CWC22: variants seen among roughly 807,000 people sequenced by gnomAD.
The protein encoded by CWC22 is pre-mRNA-splicing factor CWC22 homolog.
Under a neutral mutation model 117.2 loss-of-function variants are expected in CWC22, and 53 were observed. That is an observed-to-expected ratio of 0.45 (90% confidence interval 0.36 to 0.57). CWC22 has a LOEUF of 0.57. Among genes scored for constraint, CWC22 ranks in the 20% least tolerant of loss-of-function variants. CWC22 has a pLI of 0.00. For missense variants in CWC22, 980 were observed against 1,068.8 expected, an observed-to-expected ratio of 0.92 and a Z score of 1.16; for synonymous variants, 360 against 355.6, an observed-to-expected ratio of 1.01 and a Z score of -0.14.
chr2:179,960,076 G>C (rs896903637), intron 13 of CWC22, among the ~76,000 whole-genome samples: 1 of 152,044 alleles, frequency 6.6e-6, no homozygotes, highest in Non-Finnish European at 1.5e-5. Flanking sequence ...TCTGCAATCA[G>C]ATAATGCTTA....
chr2:179,982,934 A>C (rs867330845), intron 4 of CWC22, among the ~76,000 whole-genome samples: 1 of 152,134 alleles, frequency 6.6e-6, no homozygotes, highest in Non-Finnish European at 1.5e-5. Flanking sequence ...AATAAAAGTA[A>C]ATTTCATATT....
Position 179,955,041 on chromosome 2 carries a change from G to C in CWC22, c.1459-7C>G, listed in dbSNP as rs1196432941. The C allele has an allele frequency of 6.4e-7, 1 of 1,574,500 alleles. No homozygotes were observed. The highest frequency in any genetic ancestry group is 2.3e-5 in the East Asian group (1 of 44,038). ...TCATGTTGCAGAGTTCTTTCTATTT[G>C]GGAAAAAAAATACATTAATGATTCA... On this transcript the variant is annotated splice_region_variant and splice_polypyrimidine_tract_variant and intron_variant, in intron 14 of 19. Coordinates refer to ENST00000410053, the MANE Select transcript of CWC22 (RefSeq NM_020943.3).
rs1305520943 is a variant in CWC22, at chr2:179,950,520, G to C, written c.2132C>G (p.Ser711Cys). ...SDSSSISSHS[S>C]ASANDVRKKG... ...CACATAAGCTTCAATACCTGAGGCA[G>C]AGCTATGACTACTGATGGATGAAGA... The change falls in exon 19 of 20, where the codon TCT (serine) becomes TGT (cysteine). Residue 711 changes from serine (S) to cysteine (C), a missense_variant. This residue lies in a region of CWC22 where 306 missense variants were observed against 296.8 expected (regional missense o/e 1.03). Transcript: ENST00000410053. 1 of 1,604,144 alleles carries C rather than the reference G, an allele frequency of 6.2e-7. No individual in the cohort carries two copies. Among genetic ancestry groups the C allele is most frequent in the Non-Finnish European group, 8.5e-7 (1 of 1,172,592 alleles).
chr2:179,958,482 T>C (rs887625296), intron 14 of CWC22, among the ~76,000 whole-genome samples: 4 of 152,074 alleles, frequency 2.6e-5, no homozygotes, highest in Non-Finnish European at 5.9e-5. Flanking sequence ...ACAGGCTGCA[T>C]GCAGTCCAGG....
At position 179,952,595 on chromosome 2, in the gene CWC22, G is replaced by A; in HGVS notation, c.1693C>T (p.Leu565Phe). 2 of 1,413,916 alleles carry A rather than the reference G, an allele frequency of 1.4e-6. No individual in the cohort carries two copies. Among genetic ancestry groups the A allele is most frequent in the South Asian group, 3.0e-5 (2 of 67,644 alleles). The allele number at this position is 1,413,916 out of a possible 1,614,324, so 87.6% of individuals were successfully genotyped here. A position where few individuals can be genotyped will look rare whatever the true frequency, so the allele number is the denominator to read the frequency against. ...LYTDSLPWSV[L>F]ECIKLSEETT... ...TCTTCACTCAGTTTTATACATTCAAGAACCTGAAAATTAAAATAAAAAAAG... is the reference window on the plus strand; with the variant it reads ...TCTTCACTCAGTTTTATACATTCAAAAACCTGAAAATTAAAATAAAAAAAG... Residue 565 changes from leucine to phenylalanine, a missense_variant, in exon 17 of 20, where the codon CTT becomes TTT. Leu to Phe is a conservative substitution (Grantham distance 22). Coordinates refer to ENST00000410053, the MANE Select transcript of CWC22 (RefSeq NM_020943.3).
At chr2:180,001,846 G>A (rs375898085) in intron 1 of CWC22, among the ~76,000 whole-genome samples, 34 of 152,286 alleles carry the variant, frequency 2.2e-4, no homozygotes, top group African/African-American at 8.2e-4. Flanking sequence ...ACCTTCATTT[G>A]TCCATCCCTT....
At chr2:179,992,608 A>G (rs1037882522) in intron 2 of CWC22, among the ~76,000 whole-genome samples, 1 of 152,188 alleles carries the variant, frequency 6.6e-6, no homozygotes, top group African/African-American at 2.4e-5. Flanking sequence ...TACATAACTT[A>G]TCAAGTTTAT....
chr2:179,994,165 A>C (rs996324731), intron 1 of CWC22, among the ~76,000 whole-genome samples: 1 of 152,242 alleles, frequency 6.6e-6, no homozygotes, highest in African/African-American at 2.4e-5. Flanking sequence ...CTTGCATTCA[A>C]ATATTTTATT....
intron 1 of CWC22, among the ~76,000 whole-genome samples, chr2:180,005,509 G>A (rs1477555070): frequency 6.6e-6 from 1 of 152,182 alleles, no homozygotes; most frequent in Non-Finnish European, 1.5e-5. Context: ...TAGGGAGGCG[G>A]AGCTTGCAGT....
At chr2:179,979,386 A>G (rs188302776) in intron 5 of CWC22, among the ~76,000 whole-genome samples, 9 of 152,312 alleles carry the variant, frequency 5.9e-5, no homozygotes, top group Non-Finnish European at 1.5e-5. Context: ...ACTCTGATCT[A>G]TTGCCTACAT....
At position 179,950,685 on chromosome 2, in the gene CWC22, G is replaced by T. The variant is rs17778270; in HGVS notation, c.1967C>A (p.Ala656Glu). 2 of 1,613,528 alleles carry T rather than the reference G, an allele frequency of 1.2e-6. No homozygotes were observed. Among genetic ancestry groups the T allele is most frequent in the South Asian group, 1.1e-5 (1 of 91,072 alleles). The change falls in exon 19 of 20, where the codon GCG (alanine) becomes GAG (glutamate). Residue 656 changes from alanine (A) to glutamate (E), a missense_variant. Ala to Glu is a moderately radical substitution (Grantham distance 107, BLOSUM62 -1). Around this residue, in one of 3 missense-constraint regions of CWC22, gnomAD observed 306 missense variants for 296.8 expected, o/e 1.03. Transcript: ENST00000410053. The stretch of plus-strand genomic sequence containing the variant: ...ATTTTGCTCAACATCTGGTTTCTGC[G>T]CCACAATGACCTTTGGTGTATTTTT... ...HLKNTPKVIV[A>E]QKPDVEQNKS...
chr2:179,955,972 A>C (rs1410447974), intron 14 of CWC22, among the ~76,000 whole-genome samples: 1 of 152,042 alleles, frequency 6.6e-6, no homozygotes, highest in African/African-American at 2.4e-5. Flanking sequence ...AACTTAAAAC[A>C]ATTTTCCAAA....
chr2:179,954,717 C>T (rs1169694806), intron 15 of CWC22, among the ~76,000 whole-genome samples: 1 of 151,954 alleles, frequency 6.6e-6, no homozygotes, highest in African/African-American at 2.4e-5. Flanking sequence ...ATTGGGAAAT[C>T]ATTACAAATC....
intron 1 of CWC22, among the ~76,000 whole-genome samples, chr2:180,002,527 T>G (rs1050465117): frequency 3.9e-5 from 6 of 152,110 alleles, no homozygotes; most frequent in African/African-American, 9.7e-5. Flanking sequence ...AGTATGAAGC[T>G]AAGAGAAAAA....
chr2:179,975,079 T>C (rs1044377019), intron 6 of CWC22, among the ~76,000 whole-genome samples: 10 of 152,188 alleles, frequency 6.6e-5, no homozygotes, highest in Non-Finnish European at 8.8e-5. Flanking sequence ...AGATGAATCA[T>C]AGTCATGTAA....
chr2:179,971,140 T>A, intron 8 of CWC22, 64 bp from the exon 9 acceptor site: 1 of 1,146,210 alleles, frequency 8.7e-7, no homozygotes, highest in Non-Finnish European at 1.2e-6. Context: ...ATTATTTTTA[T>A]AATTTCTAAA....
Position 179,950,835 on chromosome 2 carries a change from C to G in CWC22, c.1909G>C (p.Gly637Arg). Residue 637 changes from glycine (G) to arginine (R), a missense_variant, in exon 18 of 20, where the codon GGA (glycine) becomes CGA (arginine). Physicochemically the swap from Gly to Arg is moderately radical, Grantham distance 125. Transcript: ENST00000410053. ...AINFFTSIGL[G>R]GLTDELREHL... Reference sequence around the variant, plus strand: ...GAGAATAATCCTTACGTTAAACCTCCAAGACCTATAGAAGTAAAGAAGTTG... The same window carrying G: ...GAGAATAATCCTTACGTTAAACCTCGAAGACCTATAGAAGTAAAGAAGTTG... 1 of 1,601,754 alleles carries G rather than the reference C, an allele frequency of 6.2e-7. No individual in the cohort carries two copies. Among genetic ancestry groups the G allele is most frequent in the Non-Finnish European group, 8.5e-7 (1 of 1,172,356 alleles).
rs146428552 is a variant in CWC22 at position 179,974,854 on chromosome 2, C to T, written c.582-1052G>A. Among the ~76,000 whole-genome samples, 506 of 152,196 alleles carry T rather than the reference C, an allele frequency of 3.3e-3. 1 individual carries two copies. The highest frequency in any genetic ancestry group is 0.012 in the African/African-American group (491 of 41,528). On this transcript the variant is annotated intron_variant, in intron 6 of 19. Transcript: ENST00000410053. ...GGAAGCTCTGCCTCCTGGGCTCAAG[C>T]AATCCTCCCACCTCAGCCTCCGGAG... is the stretch of plus-strand genomic sequence containing the variant.
intron 16 of CWC22, 118 bp downstream of exon 16, chr2:179,954,087 C>A: frequency 3.1e-6 from 2 of 642,490 alleles, no homozygotes; most frequent in South Asian, 5.9e-5. Flanking sequence ...GACAGCAGTT[C>A]TACACATTTC....
Sources: allele counts gnomAD v4.1 joint callset (sites outside exome capture counted in the v4.1 genomes callset), GRCh38; gene constraint gnomAD v4.1.1; regional missense constraint gnomAD v4.1.1; transcripts MANE v1.5; gene names NCBI Gene and HGNC (gene_info 2026-07-23, HGNC 2026-07-21).